The following CTNND2 variants were observed in gnomAD, a reference collection of about 807,000 sequenced individuals.
CTNND2 encodes catenin delta 2.
Under a neutral mutation model 144.4 loss-of-function variants are expected in CTNND2, and 22 were observed. The observed-to-expected ratio is 0.15, with a 90% confidence interval of 0.11 to 0.22. The LOEUF (loss-of-function observed/expected upper bound fraction) is 0.22, where lower values mean the gene tolerates loss of function less well. Ranked by LOEUF, CTNND2 falls within the 10% of genes least tolerant of loss-of-function variation. CTNND2 has a pLI of 1.00. For missense variants in CTNND2, 1,353 were observed against 1,618.8 expected (o/e 0.84, Z 2.82); for synonymous variants, 751 against 695.6 (o/e 1.08, Z -1.25).
chr5:11,837,170 G>A (rs74948402), intron 1 of CTNND2, among the ~76,000 whole-genome samples: 2,126 of 152,224 alleles, frequency 0.014, 55 homozygotes, highest in African/African-American at 0.048. Flanking sequence ...TCCCCTTCCA[G>A]ATGAAAAATA....
At chr5:11,662,153 A>G (rs6865334) in intron 2 of CTNND2, among the ~76,000 whole-genome samples, 7 of 144,896 alleles carry the variant, frequency 4.8e-5, no homozygotes, top group Non-Finnish European at 6.0e-5. Flanking sequence ...ATACACATAT[A>G]TATGTGTATA....
intron 9 of CTNND2, among the ~76,000 whole-genome samples, chr5:11,284,692 T>A (rs1747544344): frequency 6.6e-6 from 1 of 152,248 alleles, no homozygotes; most frequent in South Asian, 2.1e-4. Context: ...ATTCCATGTC[T>A]TTGCTACTGT....
intron 11 of CTNND2, among the ~76,000 whole-genome samples, chr5:11,179,796 G>A (rs1239388887): frequency 6.6e-6 from 1 of 152,120 alleles, no homozygotes; most frequent in Admixed American, 6.5e-5. Flanking sequence ...GAGAAAGCAG[G>A]TATTTGTATT....
chr5:11,112,022 T>G (rs1753042702), intron 13 of CTNND2, among the ~76,000 whole-genome samples: 1 of 152,106 alleles, frequency 6.6e-6, no homozygotes, highest in South Asian at 2.1e-4. Flanking sequence ...AATTTTTTTT[T>G]GTATTTTTAG....
intron 3 of CTNND2, among the ~76,000 whole-genome samples, chr5:11,462,311 G>A (rs1421661177): frequency 6.6e-6 from 1 of 152,140 alleles, no homozygotes; most frequent in Non-Finnish European, 1.5e-5. Context: ...TGGGGGAGCT[G>A]CCCTCTCTCC....
chr5:11,439,192 G>A (rs1254153241), intron 3 of CTNND2, among the ~76,000 whole-genome samples: 1 of 151,994 alleles, frequency 6.6e-6, no homozygotes, highest in Non-Finnish European at 1.5e-5. Flanking sequence ...CCAACACCAC[G>A]TTTTCACATC....
chr5:11,725,603 G>T (rs958117324), intron 2 of CTNND2, among the ~76,000 whole-genome samples: 1 of 151,964 alleles, frequency 6.6e-6, no homozygotes, highest in Non-Finnish European at 1.5e-5. Flanking sequence ...GTAGTGTAGT[G>T]GGGGGGAAAA....
chr5:11,665,996 A>C (rs1205338563), intron 2 of CTNND2, among the ~76,000 whole-genome samples: 2 of 152,210 alleles, frequency 1.3e-5, no homozygotes, highest in East Asian at 3.8e-4. Flanking sequence ...CAAAGATCTA[A>C]GCATGTACTA....
At chr5:11,511,058 C>T (rs933114576) in intron 3 of CTNND2, among the ~76,000 whole-genome samples, 2 of 152,144 alleles carry the variant, frequency 1.3e-5, no homozygotes, top group East Asian at 3.8e-4. Context: ...GTACTATGTC[C>T]AAGTATGCTA....
chr5:11,662,150 T>C lies in CTNND2; in HGVS notation c.174+69986A>G, dbSNP rs1419046697. Among the ~76,000 whole-genome samples the C allele has an allele frequency of 5.3e-5, 6 of 113,148 alleles. No homozygotes were observed. The East Asian group carries it at 8.7e-4, about 16-fold the overall frequency. 74.2% of individuals were successfully genotyped at this position (113,148 alleles called of 152,430 possible). On this transcript the variant is annotated intron_variant, in intron 2 of 21. Coordinates refer to ENST00000304623, the MANE Select transcript of CTNND2 (RefSeq NM_001332.4). ...ATATACATATATGTATATATACACA[T>C]ATATATGTGTATATATGTGTATATA...
At chr5:11,729,761 T>G (rs2126736853) in intron 2 of CTNND2, among the ~76,000 whole-genome samples, 1 of 152,322 alleles carries the variant, frequency 6.6e-6, no homozygotes, top group African/African-American at 2.4e-5. Context: ...ACAAATCATT[T>G]TACCAAAAAA....
rs144050437 is a variant in CTNND2, at chr5:11,029,895, C to A, written c.2789-6916G>T. ...TACCTTTGAATTACTGTTTAGTGTT[C>A]TTGCATTTCAACATGCAGGACTCCC... On this transcript the variant is annotated intron_variant, in intron 16 of 21. Transcript: ENST00000304623. Among the ~76,000 whole-genome samples the A allele has an allele frequency of 4.6e-3, 699 of 152,260 alleles. 3 individuals are homozygous for A. The highest frequency in any genetic ancestry group is 0.016 in the African/African-American group (662 of 41,562).
At chr5:11,438,729 G>A (rs908029857) in intron 3 of CTNND2, among the ~76,000 whole-genome samples, 1 of 152,158 alleles carries the variant, frequency 6.6e-6, no homozygotes, top group East Asian at 1.9e-4. Flanking sequence ...TAGGCCAGTT[G>A]AGATTAGATA....
At chr5:11,797,502 C>A (rs1049087123) in intron 1 of CTNND2, among the ~76,000 whole-genome samples, 2 of 152,044 alleles carry the variant, frequency 1.3e-5, no homozygotes, top group African/African-American at 4.8e-5. Flanking sequence ...TATAGAGTAA[C>A]CAAGTGTAAG....
At chr5:11,724,598 C>T (rs1786898085) in intron 2 of CTNND2, among the ~76,000 whole-genome samples, 1 of 152,116 alleles carries the variant, frequency 6.6e-6, no homozygotes. Flanking sequence ...GCCAACAGTG[C>T]TACAGTGGTA....
At chr5:11,018,164 AT>A (rs1741828583) in intron 17 of CTNND2, 106 bp from the exon 18 acceptor site, 6 of 735,870 alleles carry the variant, frequency 8.2e-6, no homozygotes, top group Non-Finnish European at 1.4e-5. Context: ...TATATCTATT[AT>A]GGTGATCTAT....
intron 9 of CTNND2, among the ~76,000 whole-genome samples, chr5:11,268,157 G>A (rs1745646846): frequency 6.6e-6 from 1 of 152,214 alleles, no homozygotes; most frequent in African/African-American, 2.4e-5. Flanking sequence ...ATGAGGCACG[G>A]AACATGTGTC....
intron 1 of CTNND2, among the ~76,000 whole-genome samples, chr5:11,832,793 T>A (rs936808428): frequency 1.3e-5 from 2 of 151,926 alleles, no homozygotes; most frequent in Admixed American, 6.6e-5. Flanking sequence ...ATAGGAAAAT[T>A]AGTGGGTCAT....
intron 3 of CTNND2, among the ~76,000 whole-genome samples, chr5:11,515,460 C>G (rs1772083099): frequency 6.6e-6 from 1 of 152,130 alleles, no homozygotes; most frequent in South Asian, 2.1e-4. Context: ...TGTAAATGTG[C>G]ATAAACTTTT....
Sources: allele counts gnomAD v4.1 joint callset (sites outside exome capture counted in the v4.1 genomes callset), GRCh38; gene constraint gnomAD v4.1.1; transcripts MANE v1.5; gene names NCBI Gene and HGNC (gene_info 2026-07-23, HGNC 2026-07-21).